Variants in PRIM2 observed in about 807,000 individuals in gnomAD.
PRIM2 encodes DNA primase large subunit.
Under a neutral mutation model 67.3 loss-of-function variants are expected in PRIM2, and 39 were observed. That is an observed-to-expected ratio of 0.58 (90% CI 0.45 to 0.76). The LOEUF (loss-of-function observed/expected upper bound fraction) is 0.76. Among genes scored for constraint, PRIM2 ranks in the 30% least tolerant of loss-of-function variants. The pLI, the probability that PRIM2 is intolerant of heterozygous loss-of-function variation, is 0.00. For synonymous variants in PRIM2, 143 were observed against 198.7 expected (o/e 0.72, Z 2.36); for missense variants, 398 against 598.7 (o/e 0.66, Z 3.50).
At chr6:57,242,841 A>G in the PRIM2 span, among the ~76,000 whole-genome samples, 1 of 152,222 alleles carries the variant, frequency 6.6e-6, no homozygotes. Flanking sequence ...GCAGTTTCAC[A>G]GTGATGTTTG....
the PRIM2 span, among the ~76,000 whole-genome samples, chr6:57,235,660 A>T: frequency 6.6e-6 from 1 of 152,154 alleles, no homozygotes; most frequent in Non-Finnish European, 1.5e-5. Flanking sequence ...CTTGCATGGC[A>T]AAAAGGACTT....
At chr6:57,336,923 TAA>T (rs1293830649) in intron 5 of PRIM2, among the ~76,000 whole-genome samples, 5 of 151,910 alleles carry the variant, frequency 3.3e-5, no homozygotes, top group African/African-American at 1.2e-4. Context: ...GCAAATTGGA[TAA>T]AGAGTCAAGA....
At position 57,511,550 on chromosome 6, in the gene PRIM2, A is replaced by G. The variant is rs1187291021; in HGVS notation, c.761+4096A>G. 4.6e-5 allele frequency among the ~76,000 whole-genome samples: 7 copies of G among 152,320 alleles called. No homozygotes were observed. In the East Asian group the frequency reaches 1.3e-3, roughly 29 times the overall value. On this transcript the variant is annotated intron_variant, in intron 8 of 13. Transcript: ENST00000615550. ...CCTCGTGGAATTATCTCCTTAAGTAATTGGGCCATAACTTAATTGTTTTGG... is the reference window on the plus strand; with the variant it reads ...CCTCGTGGAATTATCTCCTTAAGTAGTTGGGCCATAACTTAATTGTTTTGG...
intron 12 of PRIM2, among the ~76,000 whole-genome samples, chr6:57,610,235 AT>A (rs1732840634): frequency 6.6e-6 from 1 of 152,050 alleles, no homozygotes; most frequent in African/African-American, 2.4e-5. Flanking sequence ...TGTCCAGCTA[AT>A]TTTTGTATTT....
intron 7 of PRIM2, among the ~76,000 whole-genome samples, chr6:57,456,234 C>T (rs1772774510): frequency 6.6e-6 from 1 of 151,698 alleles, no homozygotes. Flanking sequence ...TCCTTCATTT[C>T]AACTTTGGTG....
chr6:57,298,833 C>A, the PRIM2 span, among the ~76,000 whole-genome samples: 45,879 of 151,888 alleles, frequency 0.3, 7,882 homozygotes, highest in African/African-American at 0.48. Context: ...AAAACAAACA[C>A]AATCTGAATC....
chr6:57,293,999 G>T, the PRIM2 span, among the ~76,000 whole-genome samples: 2 of 152,132 alleles, frequency 1.3e-5, no homozygotes, highest in Non-Finnish European at 1.5e-5. Context: ...TCCTTGCAAT[G>T]TAGTTTGTGA....
intron 7 of PRIM2, chr6:57,505,029 C>T (rs1194903019): frequency 1.4e-4 from 22 of 152,084 alleles, no homozygotes; most frequent in Admixed American, 3.9e-4. Flanking sequence ...GTAGTAACTA[C>T]GTTAGCTCAG....
intron 10 of PRIM2, among the ~76,000 whole-genome samples, chr6:57,565,253 G>C (rs1218843071): frequency 1.3e-5 from 2 of 149,246 alleles, no homozygotes; most frequent in Non-Finnish European, 3.0e-5. Context: ...ACAGTTATCA[G>C]TCTTTTCCAT....
chr6:57,337,467 T>A (rs377520233), intron 5 of PRIM2, among the ~76,000 whole-genome samples: 17 of 150,710 alleles, frequency 1.1e-4, no homozygotes, highest in East Asian at 3.9e-4. Context: ...GAAGTAAAGC[T>A]CTCCTCAGCA....
At chr6:57,382,815 A>G (rs1317840411) in intron 7 of PRIM2, 1 of 152,210 alleles carries the variant, frequency 6.6e-6, no homozygotes, top group Non-Finnish European at 1.5e-5. Context: ...TACCTAATGC[A>G]GAAGAAGACT....
At chr6:57,371,011 A>G (rs1437035537) in intron 5 of PRIM2, among the ~76,000 whole-genome samples, 1 of 152,022 alleles carries the variant, frequency 6.6e-6, no homozygotes, top group Non-Finnish European at 1.5e-5. Context: ...AATTTTATCT[A>G]TAACTTCTAA....
the PRIM2 span, among the ~76,000 whole-genome samples, chr6:57,292,495 A>C: frequency 6.6e-6 from 1 of 152,202 alleles, no homozygotes; most frequent in Non-Finnish European, 1.5e-5. Context: ...GGAAAATATT[A>C]CTTTAAAGTT....
chr6:57,482,878 G>T (rs1449838595), intron 7 of PRIM2, among the ~76,000 whole-genome samples: 1 of 152,198 alleles, frequency 6.6e-6, no homozygotes, highest in South Asian at 2.1e-4. Context: ...ACCAGCATCA[G>T]ATGGTCTCCT....
the PRIM2 span, among the ~76,000 whole-genome samples, chr6:57,273,771 G>T: frequency 1.3e-5 from 2 of 152,026 alleles, no homozygotes; most frequent in Non-Finnish European, 2.9e-5. Context: ...TCTACCTTTG[G>T]TCTTTGATCA....
chr6:57,590,743 G>A lies in PRIM2; in HGVS notation c.1021-10350G>A, dbSNP rs1776269615. ...ACAGAAATCCAAAGCTCTAGGCCTA[G>A]TTGAGATGAGGATTCAGAAGAGCCT... is the stretch of plus-strand genomic sequence containing the variant. On this transcript the variant is annotated intron_variant, in intron 10 of 13. Transcript: ENST00000615550. 2.0e-5 allele frequency among the ~76,000 whole-genome samples: 3 copies of A among 152,192 alleles called. No homozygotes were observed. In the South Asian group the frequency reaches 6.2e-4, roughly 32 times the overall value.
chr6:57,301,170 A>T, the PRIM2 span, among the ~76,000 whole-genome samples: 1 of 152,168 alleles, frequency 6.6e-6, no homozygotes, highest in Non-Finnish European at 1.5e-5. Flanking sequence ...AGCTCAAATC[A>T]TAGTCAAGTA....
chr6:57,475,035 G>A (rs1773442365), intron 7 of PRIM2, among the ~76,000 whole-genome samples: 1 of 152,322 alleles, frequency 6.6e-6, no homozygotes, highest in South Asian at 2.1e-4. Context: ...CAGTGGAATA[G>A]GCACTGAGGA....
intron 10 of PRIM2, among the ~76,000 whole-genome samples, chr6:57,553,748 T>G (rs1775451627): frequency 1.3e-5 from 2 of 152,224 alleles, no homozygotes; most frequent in African/African-American, 4.8e-5. Context: ...AGTGTGGTCT[T>G]TAGAGTTTCA....
Sources: gnomAD v4.1 joint callset for allele counts (sites outside exome capture counted in the v4.1 genomes callset) on GRCh38, gnomAD v4.1.1 for gene constraint, MANE v1.5 for transcripts, NCBI Gene and HGNC (gene_info 2026-07-23, HGNC 2026-07-21) for gene names.